CDH17: variants seen among roughly 807,000 people sequenced by gnomAD.
CDH17 encodes the protein cadherin-17.
A neutral mutation model predicts 86.3 loss-of-function variants in CDH17; 67 were observed. The ratio of observed to expected loss-of-function variants is 0.78; its 90% CI spans 0.64 to 0.95. CDH17 has a LOEUF of 0.95. CDH17 is among the 40% of genes least tolerant of loss of function. The pLI is 0.00. For synonymous variants in CDH17, 367 were observed against 366.4 expected (o/e 1.00, Z -0.02); for missense variants, 993 against 1,017.6 (o/e 0.98, Z 0.33).
chr8:94,173,684 G>A, intron 7 of CDH17, 113 bp downstream of exon 7: 1 of 815,960 alleles, frequency 1.2e-6, no homozygotes, highest in African/African-American at 1.7e-5. Context: ...TTATAATCAT[G>A]CTATGAAAAA....
upstream of CDH17, among the ~76,000 whole-genome samples, chr8:94,212,490 T>G (rs1481525155): frequency 8.3e-6 from 1 of 120,284 alleles, no homozygotes; most frequent in Non-Finnish European, 1.8e-5. Context: ...GAGGCTTCTC[T>G]GTTGTTGAGT....
At position 94,144,950 on chromosome 8, in the gene CDH17, A is replaced by T. The variant is rs1586238053; in HGVS notation, c.2167+978T>A. Among the ~76,000 whole-genome samples, 4 of 152,314 alleles carry T rather than the reference A, an allele frequency of 2.6e-5. No homozygotes were observed. In the South Asian group the frequency reaches 8.3e-4, roughly 32 times the overall value. ...TTAGAGAAATACAAATAAAACCATT[A>T]TGAGATACTACTCCACTCCCACTGG... On this transcript the variant is annotated intron_variant, in intron 15 of 17. Coordinates refer to ENST00000027335, the MANE Select transcript of CDH17 (RefSeq NM_004063.4).
At chr8:94,167,599 C>T (rs1171380602) in intron 9 of CDH17, among the ~76,000 whole-genome samples, 1 of 152,156 alleles carries the variant, frequency 6.6e-6, no homozygotes, top group African/African-American at 2.4e-5. Context: ...CATGCATATG[C>T]CCTTGCAAGA....
intron 15 of CDH17, among the ~76,000 whole-genome samples, chr8:94,136,395 T>G (rs1812526072): frequency 6.6e-6 from 1 of 152,204 alleles, no homozygotes; most frequent in Non-Finnish European, 1.5e-5. Flanking sequence ...AATTTGATCT[T>G]CAATCACTGA....
chr8:94,200,419 T>C (rs1586027162), intron 1 of CDH17, among the ~76,000 whole-genome samples: 1 of 152,154 alleles, frequency 6.6e-6, no homozygotes, highest in Middle Eastern at 3.4e-3. Context: ...ATTTTTGCCG[T>C]TTGTCAGGAT....
chr8:94,160,281 G>C (rs371627823), intron 11 of CDH17, 119 bp from the exon 12 acceptor site: 9 of 713,298 alleles, frequency 1.3e-5, no homozygotes, highest in African/African-American at 1.8e-5. Flanking sequence ...AATCTTCATG[G>C]GGCATGTTTT....
intron 17 of CDH17, among the ~76,000 whole-genome samples, chr8:94,128,977 A>T (rs1352663973): frequency 1.3e-5 from 2 of 152,166 alleles, no homozygotes; most frequent in African/African-American, 4.8e-5. Context: ...CACTATGAAG[A>T]AGGAGTTGTT....
At chr8:94,158,407 T>C (rs1812985395) in intron 12 of CDH17, among the ~76,000 whole-genome samples, 4 of 152,046 alleles carry the variant, frequency 2.6e-5, no homozygotes, top group Admixed American at 2.6e-4. Context: ...AAAGGGCCCA[T>C]TAACCACAAA....
rs75260604 is a variant in CDH17, at chr8:94,175,295, A to C, written c.425-1035T>G. On this transcript the variant is annotated intron_variant, in intron 5 of 17. Transcript: ENST00000027335. ...TAGCAGATTCTATTAGTGAAGAGAG[A>C]AAAGGTACGGCCTGGAGCCTACACA... 3.5e-3 allele frequency among the ~76,000 whole-genome samples: 539 copies of C among 152,304 alleles called. 3 individuals carry two copies. The highest frequency in any genetic ancestry group is 5.5e-3 in the Non-Finnish European group (371 of 68,026).
chr8:94,171,932 T>G (rs942511399), intron 7 of CDH17, among the ~76,000 whole-genome samples: 4 of 151,568 alleles, frequency 2.6e-5, no homozygotes, highest in Admixed American at 6.6e-5. Context: ...GCTCCTCTTG[T>G]GTTCTAAAAA....
At chr8:94,139,102 A>G (rs980866219) in intron 15 of CDH17, among the ~76,000 whole-genome samples, 27 of 152,206 alleles carry the variant, frequency 1.8e-4, no homozygotes, top group African/African-American at 6.0e-4. Flanking sequence ...ATTATATTCT[A>G]TATGTTCAAG....
chr8:94,166,011 C>T (rs767845266), intron 9 of CDH17, 35 bp from the exon 10 acceptor site: 11 of 1,243,056 alleles, frequency 8.8e-6, no homozygotes, highest in South Asian at 7.3e-5. Context: ...CCCACCATTA[C>T]AGGCTCCACA....
intron 1 of CDH17, among the ~76,000 whole-genome samples, chr8:94,197,851 AAAAAAG>A (rs925521273): frequency 6.6e-6 from 1 of 151,482 alleles, no homozygotes; most frequent in Non-Finnish European, 1.5e-5. Flanking sequence ...AAAAAAAAGA[AAAAAAG>A]AAAAAGTTTG....
In CDH17 at chr8:94,128,028, G is replaced by T. The variant is rs1289109839; in HGVS notation, c.*212C>A. ...GAATCATGTGAACCCAGGAGGCGGA[G>T]GTTGCAGTGAGCTGGGATCACACCA... On this transcript the variant is annotated 3_prime_UTR_variant, in exon 18 of 18. Transcript: ENST00000027335. The T allele has an allele frequency of 2.3e-6, 1 of 441,796 alleles. No homozygotes were observed. Among genetic ancestry groups the T allele is most frequent in the Non-Finnish European group, 4.0e-6 (1 of 248,428 alleles). 27.4% of individuals were successfully genotyped at this position (441,796 alleles called of 1,614,324 possible).
At position 94,160,001 on chromosome 8, in the gene CDH17, A is replaced by G; in HGVS notation, c.1521T>C (p.His507=). The change falls in exon 12 of 18, where the codon CAT becomes CAC. Residue 507 remains histidine, a synonymous_variant. Coordinates refer to ENST00000027335, the MANE Select transcript of CDH17 (RefSeq NM_004063.4). ...EGRLGVDTDP[H]TNTGYVIIKK... The stretch of plus-strand genomic sequence containing the variant: ...TAATTATGACATATCCGGTGTTGGT[A>G]TGGGGATCTGTGTCAACCCCCAGGC... The G allele has an allele frequency of 1.2e-6, 2 of 1,612,282 alleles. No individual in the cohort carries two copies. Among genetic ancestry groups the G allele is most frequent in the Non-Finnish European group, 1.7e-6 (2 of 1,179,192 alleles).
upstream of CDH17, among the ~76,000 whole-genome samples, chr8:94,213,150 A>C (rs1281587429): frequency 6.6e-6 from 1 of 152,098 alleles, no homozygotes; most frequent in Non-Finnish European, 1.5e-5. Flanking sequence ...TAATTTTAAA[A>C]TTTTTTGTAG....
chr8:94,131,031 GACC>G (rs1263180566), intron 15 of CDH17, 39 bp from the exon 16 acceptor site: 1 of 1,036,410 alleles, frequency 9.6e-7, no homozygotes, highest in South Asian at 1.3e-5. Context: ...TACAACTTCA[GACC>G]CTGGATTAGC....
intron 1 of CDH17, among the ~76,000 whole-genome samples, chr8:94,215,856 A>G (rs763940986): frequency 1.4e-4 from 20 of 142,750 alleles, no homozygotes; most frequent in Non-Finnish European, 3.1e-4. Flanking sequence ...TCCTTTAAGT[A>G]TACGAGGTTT....
At chr8:94,138,061 G>A (rs1812566771) in intron 15 of CDH17, among the ~76,000 whole-genome samples, 2 of 151,972 alleles carry the variant, frequency 1.3e-5, no homozygotes, top group Admixed American at 1.3e-4. Flanking sequence ...GGTTTTCAGG[G>A]CATTTACCAC....
Sources: allele counts gnomAD v4.1 joint callset (sites outside exome capture counted in the v4.1 genomes callset), GRCh38; gene constraint gnomAD v4.1.1; transcripts MANE v1.5; gene names NCBI Gene and HGNC (gene_info 2026-07-23, HGNC 2026-07-21).